KNDC1: variants seen among roughly 807,000 people sequenced by gnomAD.
KNDC1 encodes the protein kinase non-catalytic C-lobe domain-containing protein 1.
A neutral mutation model predicts 172.8 loss-of-function variants in KNDC1; 106 were observed. The observed-to-expected ratio is 0.61, with a 90% CI of 0.52 to 0.72. KNDC1 has a LOEUF of 0.72. Ranked by LOEUF, KNDC1 falls within the 30% of genes least tolerant of loss-of-function variation. The probability of loss-of-function intolerance (pLI) is 0.00; values close to 1 mark genes in which losing one functional copy is unlikely to be tolerated. For synonymous variants in KNDC1, 1,083 were observed against 1,062.2 expected (o/e 1.02, Z -0.38); for missense variants, 2,325 against 2,394.5 (o/e 0.97, Z 0.61).
intron 3 of KNDC1, among the ~76,000 whole-genome samples, chr10:133,177,802 A>G (rs1410889406): frequency 6.6e-6 from 1 of 150,778 alleles, no homozygotes; most frequent in Non-Finnish European, 1.5e-5. Flanking sequence ...TGTATGAACT[A>G]TGGTGTGTGC....
intron 9 of KNDC1, among the ~76,000 whole-genome samples, chr10:133,192,442 G>A (rs1164756053): frequency 6.6e-6 from 1 of 152,178 alleles, no homozygotes; most frequent in African/African-American, 2.4e-5. Flanking sequence ...CAAACTGAAT[G>A]AAAACAGGCA....
chr10:133,207,407 A>G, intron 20 of KNDC1, 56 bp downstream of exon 20: 1 of 1,520,708 alleles, frequency 6.6e-7, no homozygotes, highest in South Asian at 1.1e-5. Flanking sequence ...GGTGCTGAGA[A>G]GAGGGGGGGA....
At chr10:133,168,943 G>C (rs946471608) in intron 3 of KNDC1, among the ~76,000 whole-genome samples, 2 of 152,364 alleles carry the variant, frequency 1.3e-5, no homozygotes, top group East Asian at 1.9e-4. Context: ...CTGTGTGGCC[G>C]GCTGGAGAGG....
At chr10:133,221,602 G>A (rs899241696) in intron 29 of KNDC1, among the ~76,000 whole-genome samples, 3 of 152,218 alleles carry the variant, frequency 2.0e-5, no homozygotes, top group Non-Finnish European at 4.4e-5. Flanking sequence ...CCTCCCCCAC[G>A]GTAGATGGCC....
intron 17 of KNDC1, chr10:133,202,665 C>T (rs1444864526): frequency 1.3e-5 from 6 of 456,708 alleles, no homozygotes; most frequent in Non-Finnish European, 2.6e-5. Context: ...TGGGGCTCCT[C>T]CTTGCTCCTC....
At chr10:133,222,379 G>T (rs111463700) in intron 29 of KNDC1, among the ~76,000 whole-genome samples, 1 of 152,110 alleles carries the variant, frequency 6.6e-6, no homozygotes, top group African/African-American at 2.4e-5. Context: ...GTATGTGAGC[G>T]CCTCCAGATC....
intron 3 of KNDC1, among the ~76,000 whole-genome samples, chr10:133,176,053 G>T (rs1258841659): frequency 6.6e-6 from 1 of 151,674 alleles, no homozygotes; most frequent in African/African-American, 2.4e-5. Flanking sequence ...TAGATAGATG[G>T]GTGGGTGAGT....
intron 3 of KNDC1, among the ~76,000 whole-genome samples, chr10:133,180,296 C>T (rs1010475371): frequency 6.6e-6 from 1 of 152,228 alleles, no homozygotes; most frequent in South Asian, 2.1e-4. Flanking sequence ...CTCCCTGCAT[C>T]GGTGCAAGGC....
Position 133,200,241 on chromosome 10 carries a change from TGA to T in KNDC1, c.2904-130_2904-129del, listed in dbSNP as rs1854321271. On this transcript the variant is annotated intron_variant, in intron 15 of 29. Transcript: ENST00000304613. ...GTCGGCTGCTGTGCCCCTTAGTGAC[TGA>T]GAGGGGTGAGCTCCTGCCGCCTCCA... is the stretch of plus-strand genomic sequence containing the variant. The T allele has an allele frequency of 6.9e-6, 4 of 577,872 alleles. No homozygotes were observed. In the East Asian group the frequency reaches 1.0e-4, roughly 15 times the overall value. 35.8% of individuals were successfully genotyped at this position (577,872 alleles called of 1,614,324 possible).
intron 3 of KNDC1, among the ~76,000 whole-genome samples, chr10:133,175,672 GGGTA>G (rs1280923179): frequency 4.0e-5 from 6 of 150,514 alleles, no homozygotes; most frequent in Non-Finnish European, 8.9e-5. Flanking sequence ...GGTGGAGGAT[GGGTA>G]GGTGGGTGGA....
chr10:133,194,020 A>T (rs1042292359), intron 9 of KNDC1, among the ~76,000 whole-genome samples: 4 of 152,226 alleles, frequency 2.6e-5, no homozygotes, highest in Admixed American at 2.6e-4. Flanking sequence ...GAACAATCAG[A>T]CTGTAAACCA....
intron 12 of KNDC1, 45 bp downstream of exon 12, chr10:133,197,813 T>TGTGGTGTCAGGTGCAGGA: frequency 2.2e-6 from 3 of 1,389,184 alleles, no homozygotes; most frequent in Non-Finnish European, 3.0e-6. Context: ...CTCCTGCACC[T>TGTGGTGTCAGGTGCAGGA]GACACCACAG....
intron 7 of KNDC1, among the ~76,000 whole-genome samples, 175 bp from the exon 8 acceptor site, chr10:133,189,423 C>T (rs1335005453): frequency 3.3e-5 from 5 of 152,188 alleles, no homozygotes; most frequent in Admixed American, 6.5e-5. Flanking sequence ...GAGGCAGCTC[C>T]GAGGACCCCG....
chr10:133,173,154 T>A (rs1326721691), intron 3 of KNDC1, among the ~76,000 whole-genome samples: 1 of 152,230 alleles, frequency 6.6e-6, no homozygotes, highest in African/African-American at 2.4e-5. Flanking sequence ...ATTCTCTGAT[T>A]GGACAGTTAA....
chr10:133,183,003 G>A (rs1052432716), intron 3 of KNDC1, among the ~76,000 whole-genome samples: 1 of 151,760 alleles, frequency 6.6e-6, no homozygotes, highest in Admixed American at 6.6e-5. Flanking sequence ...GGCACAGGCG[G>A]CAAGGGCATG....
At chr10:133,177,640 G>A (rs1353390748) in intron 3 of KNDC1, among the ~76,000 whole-genome samples, 1 of 152,130 alleles carries the variant, frequency 6.6e-6, no homozygotes, top group African/African-American at 2.4e-5. Flanking sequence ...GTGAGCATGT[G>A]TGTTGCATGA....
intron 23 of KNDC1, among the ~76,000 whole-genome samples, chr10:133,212,154 A>G (rs1166442468): frequency 6.6e-6 from 1 of 151,466 alleles, no homozygotes; most frequent in Non-Finnish European, 1.5e-5. Context: ...ACACAGCCAT[A>G]CATGCACTCG....
Position 133,202,497 on chromosome 10 carries a change from C to T in KNDC1, c.3387+599C>T, listed in dbSNP as rs1300027037. The T allele has an allele frequency of 1.7e-5, 7 of 409,066 alleles. No individual in the cohort carries two copies. In the Admixed American group the frequency reaches 1.9e-4, roughly 11 times the overall value. 25.3% of individuals were successfully genotyped at this position (409,066 alleles called of 1,614,324 possible). ...AAGGTGGGACCAGTGACCCACAGCC[C>T]CGACCTGGGCTGCATTCTCGAGAGC... On this transcript the variant is annotated intron_variant, in intron 17 of 29. Coordinates refer to ENST00000304613, the MANE Select transcript of KNDC1 (RefSeq NM_152643.8).
At chr10:133,184,368 TGC>T (rs1367607251) in intron 5 of KNDC1, among the ~76,000 whole-genome samples, 2 of 150,378 alleles carry the variant, frequency 1.3e-5, no homozygotes, top group Non-Finnish European at 3.0e-5. Context: ...AACACACCCA[TGC>T]ACACACACAT....
Sources: gnomAD v4.1 joint callset for allele counts (sites outside exome capture counted in the v4.1 genomes callset) on GRCh38, gnomAD v4.1.1 for gene constraint, MANE v1.5 for transcripts, NCBI Gene and HGNC (gene_info 2026-07-23, HGNC 2026-07-21) for gene names.